GEMIN5: variants seen among roughly 807,000 people sequenced by gnomAD.
The protein encoded by GEMIN5 is gem nuclear organelle associated protein 5.
In GEMIN5, 124 loss-of-function variants were observed where a neutral mutation model predicts 176.9. The observed-to-expected ratio is 0.70, with a 90% CI of 0.61 to 0.81. The LOEUF (loss-of-function observed/expected upper bound fraction) is 0.81. Ranked by LOEUF, GEMIN5 falls within the 40% of genes least tolerant of loss-of-function variation. The pLI is 0.00. For missense variants in GEMIN5, 1,843 were observed against 1,814.6 expected, an observed-to-expected ratio of 1.02 and a Z score of -0.28; for synonymous variants, 673 against 665.2, an observed-to-expected ratio of 1.01 and a Z score of -0.18.
At chr5:154,936,909 AATG>A (rs2113520543) in intron 2 of GEMIN5, 113 bp downstream of exon 2, 1 of 754,558 alleles carries the variant, frequency 1.3e-6, no homozygotes, top group Non-Finnish European at 2.2e-6. Flanking sequence ...TTATCTAATT[AATG>A]AACACAATTA....
intron 23 of GEMIN5, 117 bp from the exon 24 acceptor site, chr5:154,896,460 A>G (rs1160591266): frequency 4.0e-6 from 4 of 1,012,510 alleles, no homozygotes; most frequent in East Asian, 2.8e-5. Context: ...ACCAAAGCAC[A>G]TTAGTGAGCT....
At position 154,905,531 on chromosome 5, in the gene GEMIN5, T is replaced by G. The variant is rs1582658452; in HGVS notation, c.2396-55A>C. 8.8e-6 allele frequency: 7 copies of G among 792,670 alleles called. No homozygotes were observed. The East Asian group carries it at 1.8e-4, about 21-fold the overall frequency. 49.1% of individuals were successfully genotyped at this position (792,670 alleles called of 1,614,324 possible). A position where few individuals can be genotyped will look rare whatever the true frequency, so the allele number is the denominator to read the frequency against. On this transcript the variant is annotated intron_variant, in intron 16 of 27. Transcript: ENST00000285873. Reference sequence around the variant, plus strand: ...AGTTAAGGATAACAATAATACAGAATTTCAGTTCTTTGTAAAAATTAAGAG... The same window carrying G: ...AGTTAAGGATAACAATAATACAGAAGTTCAGTTCTTTGTAAAAATTAAGAG...
intron 18 of GEMIN5, 86 bp from the exon 19 acceptor site, chr5:154,903,261 G>A (rs555112244): frequency 2.3e-6 from 2 of 856,596 alleles, no homozygotes; most frequent in East Asian, 2.5e-5. Context: ...ATATATGTTT[G>A]GAACACCCAC....
At chr5:154,933,015 A>ATT (rs1411018312) in intron 3 of GEMIN5, among the ~76,000 whole-genome samples, 5 of 152,254 alleles carry the variant, frequency 3.3e-5, no homozygotes, top group Non-Finnish European at 5.9e-5. Context: ...CATTTTATGA[A>ATT]TTCAAAAGAA....
chr5:154,917,152 G>T lies in GEMIN5; in HGVS notation c.1701C>A (p.Asn567Lys). Residue 567 changes from asparagine (N) to lysine (K), a missense_variant, in exon 13 of 28, where the codon AAC becomes AAA. Physicochemically the swap from Asn to Lys is moderately conservative, Grantham distance 94. Coordinates refer to ENST00000285873, the MANE Select transcript of GEMIN5 (RefSeq NM_015465.5). ...DGSIEIFQIPNLKLICTIQQH... is the reference protein window; with the variant it reads ...DGSIEIFQIPKLKLICTIQQH... ...GTTGGATAGTACAGATCAGTTTCAG[G>T]TTGGGAATCTGAAATATTTCTATTG... 1 of 1,507,486 alleles carries T rather than the reference G, an allele frequency of 6.6e-7. No homozygotes were observed. 93.4% of individuals were successfully genotyped at this position (1,507,486 alleles called of 1,614,324 possible).
rs1322638117 is a variant in GEMIN5 at position 154,921,331 on chromosome 5, T to A, written c.1462+12A>T. The A allele has an allele frequency of 1.9e-6, 2 of 1,052,158 alleles. No individual in the cohort carries two copies. The highest frequency in any genetic ancestry group is 1.7e-5 in the Admixed American group (1 of 57,284). 65.2% of individuals were successfully genotyped at this position (1,052,158 alleles called of 1,614,324 possible). Reference sequence around the variant, plus strand: ...ACTCTCATATTTGTTATGGAATTGTTCAGATACTTACCAAGTGACATGGGG... The same window carrying A: ...ACTCTCATATTTGTTATGGAATTGTACAGATACTTACCAAGTGACATGGGG... On this transcript the variant is annotated intron_variant, in intron 10 of 27. Coordinates refer to ENST00000285873, the MANE Select transcript of GEMIN5 (RefSeq NM_015465.5).
At position 154,887,571 on chromosome 5, in the gene GEMIN5, ACTT is replaced by A. The variant is rs1397520186; in HGVS notation, c.*636_*638del. On this transcript the variant is annotated 3_prime_UTR_variant, in exon 28 of 28. Coordinates refer to ENST00000285873, the MANE Select transcript of GEMIN5 (RefSeq NM_015465.5). ...TGAAGGGAAAACACACATTTGAATC[ACTT>A]CTTCTAAAGCTTTAGTAAGTGATCT... 6.6e-6 allele frequency: 1 copy of A among 152,202 alleles called. No homozygotes were observed. Among genetic ancestry groups the A allele is most frequent in the Non-Finnish European group, 1.5e-5 (1 of 68,042 alleles). 9.4% of individuals were successfully genotyped at this position (152,202 alleles called of 1,614,324 possible).
At chr5:154,902,334 T>C (rs1374860957) in intron 20 of GEMIN5, among the ~76,000 whole-genome samples, 1 of 152,226 alleles carries the variant, frequency 6.6e-6, no homozygotes, top group Non-Finnish European at 1.5e-5. Flanking sequence ...TCACCAATTA[T>C]GCTTTTGCCA....
intron 23 of GEMIN5, 70 bp from the exon 24 acceptor site, chr5:154,896,413 C>G (rs145700526): frequency 5.5e-6 from 8 of 1,444,842 alleles, no homozygotes; most frequent in African/African-American, 1.4e-5. Context: ...AGAGCTCTCC[C>G]GTGTCCTTCA....
chr5:154,899,700 G>A (rs1057338832), intron 21 of GEMIN5, among the ~76,000 whole-genome samples: 7 of 152,090 alleles, frequency 4.6e-5, no homozygotes, highest in Non-Finnish European at 1.0e-4. Flanking sequence ...GAAGGAAGGC[G>A]GTGGCTCTTA....
At chr5:154,904,689 A>T (rs2113471801) in intron 17 of GEMIN5, 60 bp from the exon 18 acceptor site, 1 of 1,368,866 alleles carries the variant, frequency 7.3e-7, no homozygotes, top group Non-Finnish European at 1.0e-6. Flanking sequence ...ATAAAACGGA[A>T]TGCCTATTGT....
chr5:154,899,971 A>AG (rs1287063626), intron 21 of GEMIN5, among the ~76,000 whole-genome samples: 1 of 152,110 alleles, frequency 6.6e-6, no homozygotes, highest in African/African-American at 2.4e-5. Context: ...ACAGTTATTC[A>AG]GTGTTGGGTA....
At position 154,921,397 on chromosome 5, in the gene GEMIN5, T is replaced by C. The variant is rs1381675964; in HGVS notation, c.1408A>G (p.Lys470Glu). 5.4e-6 allele frequency: 8 copies of C among 1,486,138 alleles called. No homozygotes were observed. The highest frequency in any genetic ancestry group is 7.4e-6 in the Non-Finnish European group (8 of 1,083,784). The allele number at this position is 1,486,138 out of a possible 1,614,324, so 92.1% of individuals were successfully genotyped here. A position where few individuals can be genotyped will look rare whatever the true frequency, so the allele number is the denominator to read the frequency against. Reference sequence around the variant, plus strand: ...CAGGCTAAAGTATATACAGTCTTCTTATGATATGTGCTAGAAATCTGTGGA... The same window carrying C: ...CAGGCTAAAGTATATACAGTCTTCTCATGATATGTGCTAGAAATCTGTGGA... ...KPPQISSTYH[K>E]KTVYTLAWGP... The change falls in exon 10 of 28, where the codon AAG becomes GAG. Residue 470 changes from lysine to glutamate, a missense_variant. By Grantham distance (56) the Lys-to-Glu change is moderately conservative (BLOSUM62 1). Transcript: ENST00000285873.
In GEMIN5 at chr5:154,892,458, G is replaced by A. The variant is rs1410641008; in HGVS notation, c.3689C>T (p.Ala1230Val). 8 of 1,614,044 alleles carry A rather than the reference G, an allele frequency of 5.0e-6. No individual in the cohort carries two copies. Among genetic ancestry groups the A allele is most frequent in the South Asian group, 2.2e-5 (2 of 91,096 alleles). Residue 1230 changes from alanine (A) to valine (V), a missense_variant, in exon 25 of 28, where the codon GCG becomes GTG. By Grantham distance (64) the Ala-to-Val change is moderately conservative (BLOSUM62 0). Coordinates refer to ENST00000285873, the MANE Select transcript of GEMIN5 (RefSeq NM_015465.5). ...WDEAVQALLR[A>V]VVRSYDSGSF... The stretch of plus-strand genomic sequence containing the variant: ...CCCTGAGTCATAGCTCCGGACCACC[G>A]CCCGAAGGAGCGCCTGCACAGCCTC...
intron 11 of GEMIN5, among the ~76,000 whole-genome samples, chr5:154,918,213 A>G (rs1582667346): frequency 6.6e-6 from 1 of 152,206 alleles, no homozygotes; most frequent in Admixed American, 6.5e-5. Flanking sequence ...CAAAACAAAA[A>G]AACCCCCAAG....
Position 154,931,582 on chromosome 5 carries a change from GAGAT to G in GEMIN5, c.662-9_662-6del, listed in dbSNP as rs746292490. The G allele has an allele frequency of 8.2e-6, 13 of 1,580,154 alleles. No homozygotes were observed. In the Admixed American group the frequency reaches 1.6e-4, roughly 20 times the overall value. Reference sequence around the variant, plus strand: ...CGTTGGTAATTTCAGCTTCTTCTATGAGATAGGTGGCAATTTTGTTTTTAATTTA... The same window carrying G: ...CGTTGGTAATTTCAGCTTCTTCTATGAGGTGGCAATTTTGTTTTTAATTTA... On this transcript the variant is annotated splice_region_variant and splice_polypyrimidine_tract_variant and intron_variant, in intron 4 of 27. Coordinates refer to ENST00000285873, the MANE Select transcript of GEMIN5 (RefSeq NM_015465.5).
At chr5:154,902,914 T>C (rs1763495079) in intron 19 of GEMIN5, among the ~76,000 whole-genome samples, 166 bp downstream of exon 19, 1 of 152,200 alleles carries the variant, frequency 6.6e-6, no homozygotes, top group Non-Finnish European at 1.5e-5. Context: ...CCTATGATGA[T>C]GCAAGGGTTG....
chr5:154,934,097 C>T (rs1236392861), intron 3 of GEMIN5, among the ~76,000 whole-genome samples: 1 of 152,122 alleles, frequency 6.6e-6, no homozygotes, highest in Non-Finnish European at 1.5e-5. Context: ...CTCACTGCAA[C>T]CTCCACTGCC....
In GEMIN5 at chr5:154,903,161, C is replaced by T. The variant is rs762512778; in HGVS notation, c.2647G>A (p.Val883Met). ...AKHSRELNED[V>M]SADVEERFHL... ...AATCTTTCCTCAACATCAGCAGACA[C>T]ATCTTCATTCAGCTCTGTTAATTTA... Residue 883 changes from valine (V) to methionine (M), a missense_variant, in exon 19 of 28, where the codon GTG becomes ATG. Physicochemically the swap from Val to Met is conservative, Grantham distance 21. Transcript: ENST00000285873. 1.4e-5 allele frequency: 22 copies of T among 1,610,254 alleles called. No homozygotes were observed. In the South Asian group the frequency reaches 2.4e-4, roughly 18 times the overall value.
Sources: allele counts gnomAD v4.1 joint callset (sites outside exome capture counted in the v4.1 genomes callset), GRCh38; gene constraint gnomAD v4.1.1; transcripts MANE v1.5; gene names NCBI Gene and HGNC (gene_info 2026-07-23, HGNC 2026-07-21).